The following KCNT1 variants were observed in gnomAD, a reference collection of about 807,000 sequenced individuals.
KCNT1 encodes potassium channel subfamily T member 1.
Under a neutral mutation model 147.8 loss-of-function variants are expected in KCNT1, and 78 were observed. The ratio of observed to expected loss-of-function variants is 0.53; its 90% CI spans 0.44 to 0.64. The LOEUF (loss-of-function observed/expected upper bound fraction) is 0.64, where lower values mean the gene tolerates loss of function less well. Among genes scored for constraint, KCNT1 ranks in the 30% least tolerant of loss-of-function variants. KCNT1 has a pLI of 0.00. For synonymous variants in KCNT1, 867 were observed against 748.8 expected (o/e 1.16, Z -2.58); for missense variants, 1,419 against 1,750.3 (o/e 0.81, Z 3.38).
At chr9:135,756,700 G>A (rs575966927) in intron 6 of KCNT1, among the ~76,000 whole-genome samples, 173 bp from the exon 7 acceptor site, 103 of 152,198 alleles carry the variant, frequency 6.8e-4, no homozygotes, top group African/African-American at 2.3e-3. Flanking sequence ...GCCCTGGCGG[G>A]GGTCAGCCAA....
At position 135,792,421 on chromosome 9, in the gene KCNT1, G is replaced by T; in HGVS notation, c.*260G>T. 1 of 360,094 alleles carries T rather than the reference G, an allele frequency of 2.8e-6. No homozygotes were observed. Among genetic ancestry groups the T allele is most frequent in the Non-Finnish European group, 5.2e-6 (1 of 193,094 alleles). 22.3% of individuals were successfully genotyped at this position (360,094 alleles called of 1,614,324 possible). Reference sequence around the variant, plus strand: ...GCAGTCCACTTCTCTTTACACAGATGTACCGCAACTCGTGACCAGGGCTGG... The same window carrying T: ...GCAGTCCACTTCTCTTTACACAGATTTACCGCAACTCGTGACCAGGGCTGG... On this transcript the variant is annotated 3_prime_UTR_variant, in exon 31 of 31. Transcript: ENST00000371757.
At chr9:135,724,126 A>G (rs1156492413) in intron 2 of KCNT1, among the ~76,000 whole-genome samples, 1 of 152,216 alleles carries the variant, frequency 6.6e-6, no homozygotes, top group Non-Finnish European at 1.5e-5. Flanking sequence ...ATCCAGGCTC[A>G]GAGGCTCGAG....
rs1216716562 is a variant in KCNT1, at chr9:135,752,822, GGGAT to G, written c.435-1109_435-1106del. Among the ~76,000 whole-genome samples, 1 of 149,598 alleles carries G rather than the reference GGGAT, an allele frequency of 6.7e-6. No homozygotes were observed. Among genetic ancestry groups the G allele is most frequent in the Non-Finnish European group, 1.5e-5 (1 of 67,284 alleles). On this transcript the variant is annotated intron_variant, in intron 4 of 30. Coordinates refer to ENST00000371757, the MANE Select transcript of KCNT1 (RefSeq NM_020822.3). The surrounding 1 kb of genome is among the most constrained non-coding windows in gnomAD (Gnocchi z 5.1). ...GATGGATGATGCGTGGATGGGTGGA[GGGAT>G]GGATGTTGGATGGAGGGATGAGTGA...
chr9:135,765,177 C>A lies in KCNT1; in HGVS notation c.1182C>A (p.Tyr394Ter). 1 of 1,612,366 alleles carries A rather than the reference C, an allele frequency of 6.2e-7. No homozygotes were observed. Among genetic ancestry groups the A allele is most frequent in the Non-Finnish European group, 8.5e-7 (1 of 1,179,098 alleles). Residue 394 changes from tyrosine (Y) to a stop codon, truncating the protein, a stop_gained, in exon 12 of 31, where the codon TAC becomes TAA. Coordinates refer to ENST00000371757, the MANE Select transcript of KCNT1 (RefSeq NM_020822.3). LOFTEE classifies it high-confidence loss of function. Reference protein sequence around the residue: ...DLLMDFLNEFYAHPRLQDYYV... With the variant: ...DLLMDFLNEF Reference sequence around the variant, plus strand: ...TCATGGACTTCCTGAACGAGTTCTACGCCCACCCCCGGCTCCAGGTGAGGC... The same window carrying A: ...TCATGGACTTCCTGAACGAGTTCTAAGCCCACCCCCGGCTCCAGGTGAGGC...
rs1006369392 is a variant in KCNT1 at position 135,792,321 on chromosome 9, G to A, written c.*160G>A. ...ACCCTGGAAAGGAGCCCCTCATGCG[G>A]GGGGAGGGCCAGCTCACCCCTGGGC... On this transcript the variant is annotated 3_prime_UTR_variant, in exon 31 of 31. Transcript: ENST00000371757. 1 of 951,846 alleles carries A rather than the reference G, an allele frequency of 1.1e-6. No homozygotes were observed. Among genetic ancestry groups the A allele is most frequent in the Non-Finnish European group, 1.5e-6 (1 of 664,624 alleles). 59.0% of individuals were successfully genotyped at this position (951,846 alleles called of 1,614,324 possible).
chr9:135,761,579 C>T (rs1213448206), intron 11 of KCNT1, among the ~76,000 whole-genome samples: 1 of 152,224 alleles, frequency 6.6e-6, no homozygotes, highest in Non-Finnish European at 1.5e-5. Flanking sequence ...TCCTGAGGTG[C>T]AGGGGGACCT....
At chr9:135,751,584 G>T (rs1265983942) in intron 4 of KCNT1, among the ~76,000 whole-genome samples, 1 of 152,194 alleles carries the variant, frequency 6.6e-6, no homozygotes, top group Non-Finnish European at 1.5e-5. Flanking sequence ...GCCGCGATGA[G>T]GGTGGGTGGG....
chr9:135,713,903 C>T (rs558067988), intron 1 of KCNT1, among the ~76,000 whole-genome samples: 66 of 152,352 alleles, frequency 4.3e-4, no homozygotes, highest in African/African-American at 1.6e-3. Flanking sequence ...GCGCTGCCAG[C>T]TCTCTGTGTC....
rs772329219 is a variant in KCNT1, at chr9:135,765,123, G to T, written c.1128G>T (p.Leu376=). The stretch of plus-strand genomic sequence containing the variant: ...CGCAGACGGAGAAGCACGTGGTCCT[G>T]TGTGTCAGCTCCCTCAAGATCGACC... The part of the protein sequence containing the change: ...HRAQTEKHVV[L]CVSSLKIDLL... The change falls in exon 12 of 31, where the codon CTG becomes CTT. Residue 376 remains leucine, a synonymous_variant. Transcript: ENST00000371757. The T allele has an allele frequency of 4.3e-6, 7 of 1,613,598 alleles. No individual in the cohort carries two copies. The highest frequency in any genetic ancestry group is 5.9e-6 in the Non-Finnish European group (7 of 1,179,964).
chr9:135,749,858 G>A lies in KCNT1; in HGVS notation c.255-240G>A, dbSNP rs148507109. 0.011 allele frequency among the ~76,000 whole-genome samples: 1,660 copies of A among 152,222 alleles called. 40 individuals carry two copies. The highest frequency in any genetic ancestry group is 0.038 in the African/African-American group (1,583 of 41,534). ...AGGGCCCAGACTCACAGCAGCGAGT[G>A]CCCAGGGCTGCGGGGAGGAATCTTC... On this transcript the variant is annotated intron_variant, in intron 2 of 30. Transcript: ENST00000371757.
chr9:135,746,567 G>C (rs543327671), intron 2 of KCNT1, among the ~76,000 whole-genome samples: 46 of 152,356 alleles, frequency 3.0e-4, no homozygotes, highest in South Asian at 6.2e-4. Context: ...AGGCCAAGGG[G>C]AGCCCAGGGG....
chr9:135,749,693 A>C lies in KCNT1; in HGVS notation c.255-405A>C, dbSNP rs143652063. On this transcript the variant is annotated intron_variant, in intron 2 of 30. Coordinates refer to ENST00000371757, the MANE Select transcript of KCNT1 (RefSeq NM_020822.3). ...GACGCAGGTCCTACGGCATGTTCTG[A>C]GCACTTGCGGTGTCCTGAGCACCAT... Among the ~76,000 whole-genome samples the C allele has an allele frequency of 1.3e-3, 204 of 152,286 alleles. 2 individuals carry two copies. The East Asian group carries it at 0.033, about 24-fold the overall frequency.
At chr9:135,736,556 C>A (rs1437604616) in intron 2 of KCNT1, 2 of 150,806 alleles carry the variant, frequency 1.3e-5, no homozygotes, top group Non-Finnish European at 3.0e-5. Context: ...GGGCGCGGCG[C>A]GAGCTGAGAT....
chr9:135,727,792 C>T (rs933985844), intron 2 of KCNT1, among the ~76,000 whole-genome samples: 3 of 152,184 alleles, frequency 2.0e-5, no homozygotes, highest in Non-Finnish European at 2.9e-5. Context: ...ATCCAGAGAG[C>T]GTGGGTCTGT....
chr9:135,724,574 C>G (rs921298134), intron 2 of KCNT1, among the ~76,000 whole-genome samples: 1 of 152,246 alleles, frequency 6.6e-6, no homozygotes, highest in African/African-American at 2.4e-5. Flanking sequence ...CTGTAGGCAC[C>G]AGATTCAGCA....
At chr9:135,741,251 C>T (rs1035053277) in intron 2 of KCNT1, among the ~76,000 whole-genome samples, 2 of 152,160 alleles carry the variant, frequency 1.3e-5, no homozygotes, top group African/African-American at 4.8e-5. Flanking sequence ...AGGGCTATAT[C>T]GGGAGATGCA....
In KCNT1 at chr9:135,784,799, C is replaced by T. The variant is rs766717782; in HGVS notation, c.3066C>T (p.Tyr1022=). ...AGGGCGACCTGTGGATCCGCACGTA[C>T]GGCCGCCTCTTCCAGAAGCTCTGCT... ...ITEGDLWIRT[Y]GRLFQKLCSS... Residue 1022 remains tyrosine, a synonymous_variant, in exon 27 of 31, where the codon TAC becomes TAT. Coordinates refer to ENST00000371757, the MANE Select transcript of KCNT1 (RefSeq NM_020822.3). 177 of 1,612,668 alleles carry T rather than the reference C, an allele frequency of 1.1e-4. No homozygotes were observed. Among genetic ancestry groups the T allele is most frequent in the Non-Finnish European group, 1.4e-4 (168 of 1,179,986 alleles).
Position 135,714,619 on chromosome 9 carries a change from C to G in KCNT1, c.153C>G (p.Gly51=). The G allele has an allele frequency of 1.4e-6, 2 of 1,455,756 alleles. No homozygotes were observed. Among genetic ancestry groups the G allele is most frequent in the East Asian group, 3.2e-5 (1 of 31,666 alleles). 90.2% of individuals were successfully genotyped at this position (1,455,756 alleles called of 1,614,324 possible). ...AGDGALLDTA[G]FKMSDLDSEV... ...ACGGCGCGCTCCTGGACACCGCCGG[C>G]TTCAAGATGAGCGACCTGGACTCCG... Residue 51 remains glycine (G), a synonymous_variant, in exon 2 of 31, where the codon GGC becomes GGG. Coordinates refer to ENST00000371757, the MANE Select transcript of KCNT1 (RefSeq NM_020822.3). The surrounding 1 kb of genome is among the most constrained non-coding windows in gnomAD (Gnocchi z 6.2).
chr9:135,742,689 A>G (rs900926603), intron 2 of KCNT1: 12 of 714,084 alleles, frequency 1.7e-5, no homozygotes, highest in Admixed American at 4.0e-5. Context: ...TGCCTTCTCC[A>G]TCCGTCCGTC....
Sources: gnomAD v4.1 joint callset for allele counts (sites outside exome capture counted in the v4.1 genomes callset) on GRCh38, gnomAD v4.1.1 for gene constraint, Gnocchi (gnomAD v3.1) non-coding constraint, MANE v1.5 for transcripts, NCBI Gene and HGNC (gene_info 2026-07-23, HGNC 2026-07-21) for gene names.